Variants in PAPOLG observed in about 807,000 individuals in gnomAD.
PAPOLG encodes the protein PAP-gamma.
A neutral mutation model predicts 99.0 loss-of-function variants in PAPOLG; 40 were observed. That is an observed-to-expected ratio of 0.40 (90% CI 0.31 to 0.53). The LOEUF (loss-of-function observed/expected upper bound fraction) is 0.53, where lower values mean the gene tolerates loss of function less well. Among genes scored for constraint, PAPOLG ranks in the 20% least tolerant of loss-of-function variants. PAPOLG has a pLI of 0.41. For missense variants in PAPOLG, 675 were observed against 884.1 expected, an observed-to-expected ratio of 0.76 and a Z score of 3.00; for synonymous variants, 310 against 299.3, an observed-to-expected ratio of 1.04 and a Z score of -0.37.
intron 7 of PAPOLG, among the ~76,000 whole-genome samples, chr2:60,773,883 A>G (rs1170461884): frequency 6.6e-6 from 1 of 152,130 alleles, no homozygotes; most frequent in Admixed American, 6.6e-5. Context: ...CCTTTTGTCC[A>G]TTTTTAAGGA....
At chr2:60,772,510 A>C (rs1276033427) in intron 7 of PAPOLG, among the ~76,000 whole-genome samples, 1 of 151,858 alleles carries the variant, frequency 6.6e-6, no homozygotes, top group Non-Finnish European at 1.5e-5. Context: ...GCACTTTGGC[A>C]GGCCAAGGCA....
chr2:60,767,690 G>C (rs1011278401), intron 3 of PAPOLG, among the ~76,000 whole-genome samples: 1 of 152,194 alleles, frequency 6.6e-6, no homozygotes, highest in Non-Finnish European at 1.5e-5. Context: ...GAATGACTCC[G>C]TTCTTACAGA....
intron 16 of PAPOLG, 94 bp from the exon 17 acceptor site, chr2:60,792,035 A>G: frequency 6.8e-7 from 1 of 1,463,722 alleles, no homozygotes; most frequent in South Asian, 1.4e-5. Flanking sequence ...CATTAATCAC[A>G]AGAGATAATT....
At chr2:60,762,035 T>G (rs138725319) in intron 3 of PAPOLG, among the ~76,000 whole-genome samples, 44 of 152,318 alleles carry the variant, frequency 2.9e-4, no homozygotes, top group African/African-American at 9.1e-4. Context: ...TTGACTCATA[T>G]GTAGTAGGCC....
At chr2:60,773,155 G>A (rs557046237) in intron 7 of PAPOLG, among the ~76,000 whole-genome samples, 6 of 152,216 alleles carry the variant, frequency 3.9e-5, no homozygotes, top group South Asian at 4.1e-4. Flanking sequence ...TCAAACTCTC[G>A]ATATCAGGTG....
intron 15 of PAPOLG, among the ~76,000 whole-genome samples, chr2:60,788,348 G>A (rs7585092): frequency 0.02 from 2,992 of 152,142 alleles, 104 homozygotes; most frequent in African/African-American, 0.068. Context: ...AAGAGACAGA[G>A]TCTCACTCTG....
In PAPOLG at chr2:60,783,139, T is replaced by G; in HGVS notation, c.1113-17T>G. 6.4e-7 allele frequency: 1 copy of G among 1,552,456 alleles called. No individual in the cohort carries two copies. Among genetic ancestry groups the G allele is most frequent in the Non-Finnish European group, 8.7e-7 (1 of 1,155,150 alleles). ...TTTTCTGGCTTTTTTTCCTGATTGTTGCTGAAAATTCTTCAGACATTATAT... is the reference window on the plus strand; with the variant it reads ...TTTTCTGGCTTTTTTTCCTGATTGTGGCTGAAAATTCTTCAGACATTATAT... On this transcript the variant is annotated splice_polypyrimidine_tract_variant and intron_variant, in intron 12 of 21. Transcript: ENST00000238714.
intron 1 of PAPOLG, among the ~76,000 whole-genome samples, 171 bp downstream of exon 1, chr2:60,756,666 G>A (rs1670351293): frequency 6.6e-6 from 1 of 152,076 alleles, no homozygotes; most frequent in Non-Finnish European, 1.5e-5. Flanking sequence ...TAAACCCGGC[G>A]GCTCACCTGG....
intron 9 of PAPOLG, 79 bp downstream of exon 9, chr2:60,779,854 A>G: frequency 8.2e-7 from 1 of 1,223,288 alleles, no homozygotes; most frequent in Non-Finnish European, 1.1e-6. Context: ...TAAGAGCTAT[A>G]CATAGACTTT....
intron 1 of PAPOLG, 90 bp downstream of exon 1, chr2:60,756,585 T>TG: frequency 1.5e-6 from 2 of 1,366,778 alleles, no homozygotes; most frequent in Non-Finnish European, 2.0e-6. Context: ...CCCTGTCCCT[T>TG]GCGCCCTGCA....
In PAPOLG at chr2:60,761,775, A is replaced by G. The variant is rs1248834246; in HGVS notation, c.214A>G (p.Lys72Glu). ...VVLGKLNNLV[K>E]EWISDVSESK... ...TCTTGGTAAATTGAACAATTTAGTA[A>G]AAGAATGGATTTCTGATGTCAGCGA... The change falls in exon 3 of 22, where the codon AAA becomes GAA. Residue 72 changes from lysine (K) to glutamate (E), a missense_variant. By Grantham distance (56) the Lys-to-Glu change is moderately conservative. Around this residue, in one of 3 missense-constraint regions of PAPOLG, gnomAD observed 149 missense variants for 192.1 expected, o/e 0.78. Coordinates refer to ENST00000238714, the MANE Select transcript of PAPOLG (RefSeq NM_022894.4). 1.2e-6 allele frequency: 2 copies of G among 1,604,946 alleles called. No individual in the cohort carries two copies. Among genetic ancestry groups the G allele is most frequent in the Admixed American group, 1.7e-5 (1 of 59,840 alleles).
chr2:60,760,875 T>C (rs1219205878), intron 2 of PAPOLG, among the ~76,000 whole-genome samples: 1 of 152,214 alleles, frequency 6.6e-6, no homozygotes, highest in East Asian at 1.9e-4. Flanking sequence ...AAAAAAGTTT[T>C]AACAGTCACT....
At chr2:60,789,673 A>C (rs1671472265) in intron 15 of PAPOLG, among the ~76,000 whole-genome samples, 1 of 152,220 alleles carries the variant, frequency 6.6e-6, no homozygotes, top group South Asian at 2.1e-4. Context: ...TATCTGTTAT[A>C]AATTTGGGGT....
chr2:60,774,368 C>CTT (rs765904108), intron 7 of PAPOLG, among the ~76,000 whole-genome samples: 7 of 112,588 alleles, frequency 6.2e-5, no homozygotes, highest in African/African-American at 6.6e-5. Context: ...GAACTAATGT[C>CTT]TTTTTTTTTT....
intron 15 of PAPOLG, 139 bp downstream of exon 15, chr2:60,787,759 A>T (rs1671408987): frequency 1.7e-6 from 2 of 1,198,272 alleles, no homozygotes; most frequent in African/African-American, 3.1e-5. Flanking sequence ...TTGCTGTTAA[A>T]ACAGGAAAGG....
At position 60,798,159 on chromosome 2, in the gene PAPOLG, A is replaced by G. The variant is rs1190880954; in HGVS notation, c.*999A>G. 2.6e-5 allele frequency: 4 copies of G among 152,918 alleles called. No homozygotes were observed. Among genetic ancestry groups the G allele is most frequent in the African/African-American group, 7.2e-5 (3 of 41,586 alleles). The allele number at this position is 152,918 out of a possible 1,614,324, so 9.5% of individuals were successfully genotyped here. A position where few individuals can be genotyped will look rare whatever the true frequency, so the allele number is the denominator to read the frequency against. ...TTCTTCACGGACTAGGCATGCAGAAATAAGCAGTGGATTTTATTGAAACCT... is the reference window on the plus strand; with the variant it reads ...TTCTTCACGGACTAGGCATGCAGAAGTAAGCAGTGGATTTTATTGAAACCT... On this transcript the variant is annotated 3_prime_UTR_variant, in exon 22 of 22. Transcript: ENST00000238714.
chr2:60,769,100 A>G (rs1466866044), intron 5 of PAPOLG, among the ~76,000 whole-genome samples: 1 of 152,204 alleles, frequency 6.6e-6, no homozygotes, highest in Non-Finnish European at 1.5e-5. Flanking sequence ...TCTACTACAT[A>G]ATAGCTCCTA....
chr2:60,777,442 C>T (rs980647013), intron 8 of PAPOLG, among the ~76,000 whole-genome samples: 4 of 151,994 alleles, frequency 2.6e-5, no homozygotes, highest in African/African-American at 9.7e-5. Context: ...GGCGACAGAG[C>T]AAGACTCCGT....
At position 60,799,852 on chromosome 2, in the gene PAPOLG, T is replaced by G. The variant is rs1671807559; in HGVS notation, c.*2692T>G. The G allele has an allele frequency of 6.6e-6, 1 of 152,192 alleles. No individual in the cohort carries two copies. Among genetic ancestry groups the G allele is most frequent in the South Asian group, 2.1e-4 (1 of 4,828 alleles). The allele number at this position is 152,192 out of a possible 1,614,324, so 9.4% of individuals were successfully genotyped here. On this transcript the variant is annotated 3_prime_UTR_variant, in exon 22 of 22. Transcript: ENST00000238714. ...GTTGGCCAGGCTGGTCTCGAACTTG[T>G]GACCTCAGGTGATCCACCTGCCTCG...
Sources: allele counts gnomAD v4.1 joint callset (sites outside exome capture counted in the v4.1 genomes callset), GRCh38; gene constraint gnomAD v4.1.1; regional missense constraint gnomAD v4.1.1; transcripts MANE v1.5; gene names NCBI Gene and HGNC (gene_info 2026-07-23, HGNC 2026-07-21).